The following CILK1 variants were observed in gnomAD, a reference collection of about 807,000 sequenced individuals.
The protein encoded by CILK1 is ciliogenesis associated kinase 1, also known as serine/threonine-protein kinase ICK.
CILK1 carries 47 observed loss-of-function variants against 79.2 expected under a neutral mutation model. The observed-to-expected ratio is 0.59, with a 90% CI of 0.47 to 0.76. The LOEUF (loss-of-function observed/expected upper bound fraction) is 0.76. Among genes scored for constraint, CILK1 ranks in the 30% least tolerant of loss-of-function variants. The probability of loss-of-function intolerance (pLI) is 0.00; values close to 1 mark genes in which losing one functional copy is unlikely to be tolerated. For synonymous variants in CILK1, 266 were observed against 275.9 expected (o/e 0.96, Z 0.36); for missense variants, 660 against 769.5 (o/e 0.86, Z 1.68).
At chr6:53,043,357 A>C (rs1766838107) in intron 1 of CILK1, among the ~76,000 whole-genome samples, 2 of 151,678 alleles carry the variant, frequency 1.3e-5, no homozygotes, top group Non-Finnish European at 2.9e-5. Context: ...ATAAATAAAT[A>C]AATCCAGACT....
intron 1 of CILK1, chr6:53,054,712 G>A: frequency 6.6e-6 from 1 of 152,236 alleles, no homozygotes; most frequent in East Asian, 1.9e-4. Flanking sequence ...AACTACCAAA[G>A]AAAGACAGCT....
At chr6:53,008,258 G>A (rs193017549) in intron 12 of CILK1, among the ~76,000 whole-genome samples, 3 of 151,714 alleles carry the variant, frequency 2.0e-5, no homozygotes, top group Admixed American at 2.0e-4. Context: ...GCATGAAGCA[G>A]TGATCCAAGA....
At chr6:53,032,982 C>A (rs1766070731) in intron 3 of CILK1, among the ~76,000 whole-genome samples, 2 of 152,078 alleles carry the variant, frequency 1.3e-5, no homozygotes, top group South Asian at 4.1e-4. Flanking sequence ...GTGGAAGAAG[C>A]CAGAGGGGAA....
chr6:53,005,691 C>G (rs1764176948), intron 13 of CILK1, among the ~76,000 whole-genome samples: 1 of 152,128 alleles, frequency 6.6e-6, no homozygotes, highest in Non-Finnish European at 1.5e-5. Flanking sequence ...CCTACCTTGC[C>G]CCTACTTCAG....
chr6:53,035,221 G>A (rs1275889858), intron 3 of CILK1, among the ~76,000 whole-genome samples: 2 of 152,100 alleles, frequency 1.3e-5, no homozygotes, highest in Non-Finnish European at 2.9e-5. Context: ...GTAAGAAAAG[G>A]AAAGAGGTAG....
At chr6:53,010,131 G>T (rs1298783507) in intron 11 of CILK1, among the ~76,000 whole-genome samples, 1 of 151,864 alleles carries the variant, frequency 6.6e-6, no homozygotes, top group Non-Finnish European at 1.5e-5. Flanking sequence ...GCTCCTTTTT[G>T]CCTGTGGTCA....
At position 53,041,143 on chromosome 6, in the gene CILK1, T is replaced by C. The variant is rs762276488; in HGVS notation, c.94A>G (p.Ile32Val). 1.9e-6 allele frequency: 3 copies of C among 1,609,162 alleles called. No homozygotes were observed. The highest frequency in any genetic ancestry group is 2.6e-6 in the Non-Finnish European group (3 of 1,175,460). ...GTGAAGGATCAAACTTACTTTTTAA[T>C]AGCGATCAGCTCCCCAGACTCAATG... ...RSIESGELIA[I>V]KKMKRKFYSW... Residue 32 changes from isoleucine to valine, a missense_variant, in exon 2 of 14, where the codon ATT becomes GTT. Physicochemically the swap from Ile to Val is conservative, Grantham distance 29. Coordinates refer to ENST00000676107, the MANE Select transcript of CILK1 (RefSeq NM_014920.5).
chr6:53,010,876 A>G (rs1184670591), intron 11 of CILK1, among the ~76,000 whole-genome samples: 2 of 152,194 alleles, frequency 1.3e-5, no homozygotes, highest in Admixed American at 1.3e-4. Flanking sequence ...CTGCTGTATA[A>G]AGCTGCTGTA....
At chr6:53,022,090 T>C (rs1349753846) in intron 5 of CILK1, among the ~76,000 whole-genome samples, 1 of 152,160 alleles carries the variant, frequency 6.6e-6, no homozygotes, top group East Asian at 1.9e-4. Context: ...AAGAAAATAT[T>C]TTTGTATAGC....
chr6:53,015,926 A>G (rs1004105762), intron 8 of CILK1, 157 bp downstream of exon 8: 7 of 745,158 alleles, frequency 9.4e-6, no homozygotes, highest in African/African-American at 1.8e-5. Flanking sequence ...AGTAAGTTTC[A>G]AACTATTTTA....
chr6:53,057,964 T>A (rs1220573924), intron 1 of CILK1: 1 of 152,220 alleles, frequency 6.6e-6, no homozygotes, highest in Non-Finnish European at 1.5e-5. Context: ...TGTTTGAAGA[T>A]GTGCTATCCT....
chr6:53,014,771 T>C (rs975245161), intron 8 of CILK1, among the ~76,000 whole-genome samples: 5 of 152,242 alleles, frequency 3.3e-5, no homozygotes, highest in Non-Finnish European at 5.9e-5. Flanking sequence ...GCCTTCTCTG[T>C]AGTCACAGAC....
intron 1 of CILK1, among the ~76,000 whole-genome samples, chr6:53,046,142 A>C (rs896798355): frequency 2.6e-5 from 4 of 152,206 alleles, no homozygotes; most frequent in Non-Finnish European, 4.4e-5. Flanking sequence ...CCTTAATTAC[A>C]TGACCTTTTC....
Position 53,032,663 on chromosome 6 carries a change from C to A in CILK1, c.157-9G>T. ...TTGAGCTTCTTTAAAGACTAAAAGGCAAGGAATAAACACAAAACAAAACAA... is the reference window on the plus strand; with the variant it reads ...TTGAGCTTCTTTAAAGACTAAAAGGAAAGGAATAAACACAAAACAAAACAA... On this transcript the variant is annotated splice_polypyrimidine_tract_variant and intron_variant, in intron 3 of 13. Transcript: ENST00000676107. The A allele has an allele frequency of 6.3e-7, 1 of 1,596,728 alleles. No individual in the cohort carries two copies. Among genetic ancestry groups the A allele is most frequent in the South Asian group, 1.1e-5 (1 of 89,886 alleles).
intron 1 of CILK1, among the ~76,000 whole-genome samples, chr6:53,060,543 G>A (rs1190352654): frequency 6.6e-6 from 1 of 152,166 alleles, no homozygotes; most frequent in African/African-American, 2.4e-5. Context: ...TCCCAGTACT[G>A]CTTTCCTTTC....
At chr6:53,053,334 A>T (rs1026109687) in intron 1 of CILK1, among the ~76,000 whole-genome samples, 11 of 152,194 alleles carry the variant, frequency 7.2e-5, no homozygotes, top group African/African-American at 2.2e-4. Context: ...TGACTCCAAG[A>T]ATTAACTTGG....
chr6:53,011,514 G>C (rs1432788991), intron 11 of CILK1, among the ~76,000 whole-genome samples: 1 of 152,092 alleles, frequency 6.6e-6, no homozygotes, highest in Non-Finnish European at 1.5e-5. Flanking sequence ...CAGGAGAATC[G>C]CTTGAACCCA....
Position 53,005,105 on chromosome 6 carries a change from A to T in CILK1, c.*44T>A, listed in dbSNP as rs1295083104. 1 of 1,609,308 alleles carries T rather than the reference A, an allele frequency of 6.2e-7. No homozygotes were observed. The highest frequency in any genetic ancestry group is 8.5e-7 in the Non-Finnish European group (1 of 1,176,636). Reference sequence around the variant, plus strand: ...GAACACCAGTCAGCTGAGGGAAAGTATCCTGCTTCTCCCTAGGAAGAGATT... The same window carrying T: ...GAACACCAGTCAGCTGAGGGAAAGTTTCCTGCTTCTCCCTAGGAAGAGATT... On this transcript the variant is annotated 3_prime_UTR_variant, in exon 14 of 14. Coordinates refer to ENST00000676107, the MANE Select transcript of CILK1 (RefSeq NM_014920.5).
Position 53,013,948 on chromosome 6 carries a change from G to C in CILK1, c.866C>G (p.Pro289Arg). The change falls in exon 9 of 14, where the codon CCA (proline) becomes CGA (arginine). Residue 289 changes from proline (P) to arginine (R), a missense_variant. Transcript: ENST00000676107. The part of the protein sequence containing the change: ...LRYPYFQVGH[P>R]LGSTTQNLQD... ...AAGGTTTTGTGTGGTGCTGCCTAGT[G>C]GGTGTCCAACTTGGAAGTAAGGATA... 1.2e-6 allele frequency: 2 copies of C among 1,614,006 alleles called. No homozygotes were observed. The highest frequency in any genetic ancestry group is 1.7e-6 in the Non-Finnish European group (2 of 1,179,966).
Sources: gnomAD v4.1 joint callset for allele counts (sites outside exome capture counted in the v4.1 genomes callset) on GRCh38, gnomAD v4.1.1 for gene constraint, MANE v1.5 for transcripts, NCBI Gene and HGNC (gene_info 2026-07-23, HGNC 2026-07-21) for gene names.